CENPE: variants seen among roughly 807,000 people sequenced by gnomAD.
CENPE encodes the protein centromere-associated protein E.
A neutral mutation model predicts 336.1 loss-of-function variants in CENPE; 145 were observed. The ratio of observed to expected loss-of-function variants is 0.43; its 90% CI spans 0.38 to 0.50. CENPE has a LOEUF of 0.50. Among genes scored for constraint, CENPE ranks in the 20% least tolerant of loss-of-function variants. CENPE has a pLI of 0.00. For synonymous variants in CENPE, 1,013 were observed against 984.8 expected (o/e 1.03, Z -0.54); for missense variants, 2,719 against 3,023.3 (o/e 0.90, Z 2.36).
chr4:103,159,204 C>T lies in CENPE; in HGVS notation c.2407G>A (p.Asp803Asn). 1.2e-6 allele frequency: 2 copies of T among 1,612,708 alleles called. No individual in the cohort carries two copies. Among genetic ancestry groups the T allele is most frequent in the Non-Finnish European group, 1.7e-6 (2 of 1,179,154 alleles). Residue 803 changes from aspartate (D) to asparagine (N), a missense_variant, in exon 22 of 49, where the codon GAT becomes AAT. By Grantham distance (23) the Asp-to-Asn change is conservative. Around this residue, in one of 5 missense-constraint regions of CENPE, gnomAD observed 2,437 missense variants for 2,513.3 expected, o/e 0.97. Transcript: ENST00000265148. Reference sequence around the variant, plus strand: ...TTCGACTGTGTAGTTGCTAGGTCATCTTTTGTTTTCCCAATTTCTTCAAGT... The same window carrying T: ...TTCGACTGTGTAGTTGCTAGGTCATTTTTTGTTTTCCCAATTTCTTCAAGT... Reference protein sequence around the residue: ...GLLEEIGKTKDDLATTQSNYK... With the variant: ...GLLEEIGKTKNDLATTQSNYK...
At chr4:103,152,148 G>T (rs994488570) in intron 25 of CENPE, among the ~76,000 whole-genome samples, 2 of 151,276 alleles carry the variant, frequency 1.3e-5, no homozygotes, top group African/African-American at 4.8e-5. Context: ...AAAAAAAAGA[G>T]AAACATTTAG....
intron 25 of CENPE, among the ~76,000 whole-genome samples, chr4:103,152,042 T>C (rs949771282): frequency 2.0e-5 from 3 of 152,082 alleles, no homozygotes; most frequent in Admixed American, 6.6e-5. Flanking sequence ...CTTATACACA[T>C]TGTATCACCC....
intron 42 of CENPE, among the ~76,000 whole-genome samples, chr4:103,126,433 C>G (rs181588606): frequency 6.6e-6 from 1 of 152,172 alleles, no homozygotes; most frequent in East Asian, 1.9e-4. Flanking sequence ...AAATATACTC[C>G]GCCTGCCACC....
intron 36 of CENPE, 124 bp from the exon 37 acceptor site, chr4:103,140,538 C>A (rs1386667512): frequency 2.6e-6 from 2 of 765,032 alleles, no homozygotes; most frequent in African/African-American, 1.8e-5. Context: ...CATTATACAA[C>A]CTCCTAAATT....
Position 103,176,067 on chromosome 4 carries a change from A to G in CENPE, c.1391-19T>C. On this transcript the variant is annotated intron_variant, in intron 14 of 48. Transcript: ENST00000265148. Reference sequence around the variant, plus strand: ...CAGACAGCTATAATTAGAGAAAAAAAAAATTTGTCCATGAACATGTTTACC... The same window carrying G: ...CAGACAGCTATAATTAGAGAAAAAAGAAATTTGTCCATGAACATGTTTACC... 1 of 1,497,712 alleles carries G rather than the reference A, an allele frequency of 6.7e-7. No homozygotes were observed. The highest frequency in any genetic ancestry group is 9.1e-7 in the Non-Finnish European group (1 of 1,104,184). 92.8% of individuals were successfully genotyped at this position (1,497,712 alleles called of 1,614,324 possible).
At chr4:103,140,758 T>C in intron 36 of CENPE, 56 bp downstream of exon 36, 1 of 1,446,388 alleles carries the variant, frequency 6.9e-7, no homozygotes, top group Non-Finnish European at 9.3e-7. Context: ...GTGAACACTG[T>C]ATTTTTGCCC....
At chr4:103,113,279 T>C (rs1410911232) in intron 46 of CENPE, among the ~76,000 whole-genome samples, 2 of 142,612 alleles carry the variant, frequency 1.4e-5, no homozygotes, top group East Asian at 2.1e-4. Context: ...TATATGTATA[T>C]ATTAGAAAAT....
rs149957927 is a variant in CENPE, at chr4:103,168,067, C to T, written c.1648-4514G>A. On this transcript the variant is annotated intron_variant, in intron 16 of 48. Coordinates refer to ENST00000265148, the MANE Select transcript of CENPE (RefSeq NM_001813.3). ...GCCTCTGTCTCATAGCAGATTCCGA[C>T]GGGGACATGTACTGGCTCCAGCCCT... 2.1e-3 allele frequency among the ~76,000 whole-genome samples: 313 copies of T among 151,942 alleles called. 1 individual carries two copies. The highest frequency in any genetic ancestry group is 7.0e-3 in the African/African-American group (288 of 41,422).
chr4:103,111,147 T>C, intron 46 of CENPE, 136 bp from the exon 47 acceptor site: 1 of 560,054 alleles, frequency 1.8e-6, no homozygotes, highest in East Asian at 3.0e-5. Flanking sequence ...GAAGTCACCC[T>C]TGACTTCTGC....
chr4:103,183,083 TAA>T lies in CENPE; in HGVS notation c.833+116_833+117del, dbSNP rs1345857592. On this transcript the variant is annotated intron_variant, in intron 10 of 48. Transcript: ENST00000265148. ...ATTCAGTAGATTATAATCATATGTA[TAA>T]GTTTTTGAATATATGGAAGAAATCA... 15 of 899,886 alleles carry T rather than the reference TAA, an allele frequency of 1.7e-5. No homozygotes were observed. In the African/African-American group the frequency reaches 2.4e-4, roughly 14 times the overall value. 55.7% of individuals were successfully genotyped at this position (899,886 alleles called of 1,614,324 possible).
chr4:103,141,768 A>C lies in CENPE; in HGVS notation c.5445T>G (p.Asn1815Lys). Residue 1815 changes from asparagine to lysine, a missense_variant, in exon 35 of 49, where the codon AAT (asparagine) becomes AAG (lysine). Transcript: ENST00000265148. ...AAAATACCTTTTCTTGTAATTTAGC[A>C]TTTGAATTTTCTAAATCTTTTTGCA... ...SNMQKDLENS[N>K]AKLQEKIQEL... 6.5e-7 allele frequency: 1 copy of C among 1,533,552 alleles called. No individual in the cohort carries two copies. Among genetic ancestry groups the C allele is most frequent in the Non-Finnish European group, 8.9e-7 (1 of 1,120,396 alleles). The allele number at this position is 1,533,552 out of a possible 1,614,324, so 95.0% of individuals were successfully genotyped here.
chr4:103,138,309 G>A lies in CENPE; in HGVS notation c.6303+42C>T, dbSNP rs770193904. 5 of 1,357,748 alleles carry A rather than the reference G, an allele frequency of 3.7e-6. No homozygotes were observed. The African/African-American group carries it at 7.1e-5, about 19-fold the overall frequency. The allele number at this position is 1,357,748 out of a possible 1,614,324, so 84.1% of individuals were successfully genotyped here. ...TTCAGGTTTCGGTAAGCCTTTGGAA[G>A]ACAACCAATAATCATTTGTAGTTTT... On this transcript the variant is annotated intron_variant, in intron 39 of 48. Transcript: ENST00000265148.
rs1750496507 is a variant in CENPE, at chr4:103,120,222, C to T, written c.7255G>A (p.Ala2419Thr). 6.2e-7 allele frequency: 1 copy of T among 1,612,378 alleles called. No individual in the cohort carries two copies. The highest frequency in any genetic ancestry group is 1.7e-5 in the Admixed American group (1 of 59,798). The part of the protein sequence containing the change: ...KELEVTNDII[A>T]KLQAKVHESN... ...TCATGAACTTTGGCTTGAAGTTTTGCTATTATGTCATTAGTCACCTCAAGT... is the reference window on the plus strand; with the variant it reads ...TCATGAACTTTGGCTTGAAGTTTTGTTATTATGTCATTAGTCACCTCAAGT... The change falls in exon 44 of 49, where the codon GCA becomes ACA. Residue 2419 changes from alanine (A) to threonine (T), a missense_variant. Physicochemically the swap from Ala to Thr is moderately conservative, Grantham distance 58 (BLOSUM62 0). Coordinates refer to ENST00000265148, the MANE Select transcript of CENPE (RefSeq NM_001813.3).
At chr4:103,175,898 TA>T in intron 15 of CENPE, 61 bp downstream of exon 15, 1 of 1,055,442 alleles carries the variant, frequency 9.5e-7, no homozygotes. Flanking sequence ...TAACAAAACC[TA>T]ATAACAAAAG....
chr4:103,142,623 G>A (rs188548233), intron 34 of CENPE, among the ~76,000 whole-genome samples: 4 of 152,104 alleles, frequency 2.6e-5, no homozygotes, highest in East Asian at 1.9e-4. Flanking sequence ...TAATTTCTGC[G>A]TTTCTACACT....
At chr4:103,160,495 C>A in intron 21 of CENPE, 130 bp downstream of exon 21, 1 of 626,922 alleles carries the variant, frequency 1.6e-6, no homozygotes, top group Non-Finnish European at 2.6e-6. Flanking sequence ...CTATTTCTAA[C>A]TAGTCAAAAC....
At chr4:103,116,720 T>TAA in intron 44 of CENPE, 31 bp from the exon 45 acceptor site, 1 of 1,163,822 alleles carries the variant, frequency 8.6e-7, no homozygotes, top group South Asian at 1.4e-5. Context: ...ATAAAAATAA[T>TAA]TATTAGAGGC....
At position 103,196,314 on chromosome 4, in the gene CENPE, C is replaced by T. The variant is rs955214656; in HGVS notation, c.149-62G>A. The T allele has an allele frequency of 3.3e-6, 4 of 1,202,502 alleles. No homozygotes were observed. The South Asian group carries it at 5.0e-5, about 15-fold the overall frequency. 74.5% of individuals were successfully genotyped at this position (1,202,502 alleles called of 1,614,324 possible). On this transcript the variant is annotated intron_variant, in intron 2 of 48. Transcript: ENST00000265148. ...AAATCAAATGAGTCCACTGTGTTTT[C>T]ATTCCAAATTAGTAATTATTCCCAA...
chr4:103,112,671 C>T (rs573749954), intron 46 of CENPE, among the ~76,000 whole-genome samples: 32 of 120,492 alleles, frequency 2.7e-4, no homozygotes, highest in African/African-American at 9.6e-4. Context: ...TATAAGTCTG[C>T]ATATATACTT....
Sources: gnomAD v4.1 joint callset for allele counts (sites outside exome capture counted in the v4.1 genomes callset) on GRCh38, gnomAD v4.1.1 for gene constraint, gnomAD v4.1.1 regional missense constraint, MANE v1.5 for transcripts, NCBI Gene and HGNC (gene_info 2026-07-23, HGNC 2026-07-21) for gene names.